Variants in ZNF474 observed in about 807,000 individuals in gnomAD.
ZNF474 encodes the protein 4933409D10Rik.
For synonymous variants in ZNF474, 192 were observed against 162.2 expected (o/e 1.18, Z -1.39); for missense variants, 511 against 433.8 (o/e 1.18, Z -1.58).
At chr5:122,134,359 TTAG>T (rs1216881847) in intron 1 of ZNF474, among the ~76,000 whole-genome samples, 10 of 152,200 alleles carry the variant, frequency 6.6e-5, no homozygotes, top group Admixed American at 2.6e-4. Flanking sequence ...CAGACAGCAC[TTAG>T]TAGGATTCTG....
intron 1 of ZNF474, among the ~76,000 whole-genome samples, chr5:122,138,140 G>A (rs1032254884): frequency 6.6e-6 from 1 of 152,098 alleles, no homozygotes; most frequent in African/African-American, 2.4e-5. Flanking sequence ...AAAATGCAAA[G>A]GCAGAAAATA....
In ZNF474 at chr5:122,145,122, A is replaced by AG. The variant is rs1580605753; in HGVS notation, c.-212-6656dup. Among the ~76,000 whole-genome samples the AG allele has an allele frequency of 2.6e-5, 4 of 152,374 alleles. No homozygotes were observed. In the East Asian group the frequency reaches 7.7e-4, roughly 29 times the overall value. On this transcript the variant is annotated intron_variant, in intron 1 of 1. Coordinates refer to ENST00000296600, the MANE Select transcript of ZNF474 (RefSeq NM_207317.3). ...ATACCTGACAATTAGATTGAATGAAAGTGAAAGAACTTATTTCTTGACCTA... is the reference window on the plus strand; with the variant it reads ...ATACCTGACAATTAGATTGAATGAAAGGTGAAAGAACTTATTTCTTGACCTA...
chr5:122,147,065 G>A (rs1052237058), intron 1 of ZNF474, among the ~76,000 whole-genome samples: 3 of 152,170 alleles, frequency 2.0e-5, no homozygotes, highest in Admixed American at 2.0e-4. Context: ...CATTAGAAGG[G>A]ACATTATCTC....
intron 1 of ZNF474, among the ~76,000 whole-genome samples, chr5:122,148,840 G>A (rs930331748): frequency 1.3e-5 from 2 of 151,678 alleles, no homozygotes; most frequent in African/African-American, 2.4e-5. Context: ...GGATTCAAGC[G>A]ATTCTCCTGT....
intron 1 of ZNF474, among the ~76,000 whole-genome samples, chr5:122,146,043 C>T (rs1448115535): frequency 6.6e-6 from 1 of 152,142 alleles, no homozygotes; most frequent in African/African-American, 2.4e-5. Context: ...ACTGCTGCTG[C>T]TGGAGTAGAG....
intron 1 of ZNF474, among the ~76,000 whole-genome samples, chr5:122,138,256 A>G (rs1755755019): frequency 6.6e-6 from 1 of 152,208 alleles, no homozygotes; most frequent in African/African-American, 2.4e-5. Flanking sequence ...GGAAACAAAA[A>G]CATGCTAAAT....
chr5:122,151,436 C>A (rs192232167), intron 1 of ZNF474, among the ~76,000 whole-genome samples: 1 of 152,118 alleles, frequency 6.6e-6, no homozygotes, highest in Non-Finnish European at 1.5e-5. Flanking sequence ...GCAGTTTTCT[C>A]TTCTATGGTC....
At chr5:122,131,833 A>AT (rs749168426) in intron 1 of ZNF474, among the ~76,000 whole-genome samples, 51 of 152,068 alleles carry the variant, frequency 3.4e-4, no homozygotes, top group Non-Finnish European at 6.9e-4. Context: ...CCCATTTAAC[A>AT]TTTTTTCTTT....
Position 122,152,117 on chromosome 5 carries a change from C to T in ZNF474, c.127C>T (p.Pro43Ser), listed in dbSNP as rs762282901. 12 of 1,614,162 alleles carry T rather than the reference C, an allele frequency of 7.4e-6. No individual in the cohort carries two copies. The highest frequency in any genetic ancestry group is 1.0e-5 in the Non-Finnish European group (12 of 1,180,022). ...LSSDSYSSLS[P>S]ETESVNPGEN... ...TAGTGACTCCTATTCTAGCCTTTCC[C>T]CAGAAACAGAGAGTGTTAATCCTGG... Residue 43 changes from proline (P) to serine (S), a missense_variant, in exon 2 of 2, where the codon CCA becomes TCA. Physicochemically the swap from Pro to Ser is moderately conservative, Grantham distance 74. Transcript: ENST00000296600.
chr5:122,153,120 C>G lies in ZNF474; in HGVS notation c.*35C>G, dbSNP rs1046095030. On this transcript the variant is annotated 3_prime_UTR_variant, in exon 2 of 2. Transcript: ENST00000296600. ...AGAAAACTATCCCCAGAATCAGCCA[C>G]CTCAGCCCCTAGTATTTTTTCTATC... The G allele has an allele frequency of 6.4e-7, 1 of 1,563,944 alleles. No homozygotes were observed.
At chr5:122,149,885 C>CTGTGTGTGTGTGTGTGTGTGTGTG (rs35051222) in intron 1 of ZNF474, among the ~76,000 whole-genome samples, 6 of 141,482 alleles carry the variant, frequency 4.2e-5, no homozygotes, top group African/African-American at 1.6e-4. Context: ...AGAATTGACT[C>CTGTGTGTGTGTGTGTGTGTGTGTG]TGTGTGTGTG....
intron 1 of ZNF474, among the ~76,000 whole-genome samples, chr5:122,135,377 C>A (rs1466903669): frequency 6.6e-6 from 1 of 152,068 alleles, no homozygotes; most frequent in Admixed American, 6.6e-5. Flanking sequence ...AGAAGTCATG[C>A]AAACAGTCTA....
chr5:122,153,099 A>T lies in ZNF474; in HGVS notation c.*14A>T, dbSNP rs1374992233. 1 of 1,589,862 alleles carries T rather than the reference A, an allele frequency of 6.3e-7. No homozygotes were observed. Among genetic ancestry groups the T allele is most frequent in the South Asian group, 1.1e-5 (1 of 87,638 alleles). On this transcript the variant is annotated 3_prime_UTR_variant, in exon 2 of 2. Transcript: ENST00000296600. ...CTCTGCCTGTAGGGGAACAAGAGAA[A>T]ACTATCCCCAGAATCAGCCACCTCA... is the stretch of plus-strand genomic sequence containing the variant.
chr5:122,142,422 T>A (rs1050863930), intron 1 of ZNF474, among the ~76,000 whole-genome samples: 1 of 152,196 alleles, frequency 6.6e-6, no homozygotes, highest in African/African-American at 2.4e-5. Flanking sequence ...TTGAGAGTTA[T>A]TGGTCATGGA....
intron 1 of ZNF474, among the ~76,000 whole-genome samples, chr5:122,150,647 T>C (rs1484659616): frequency 6.6e-6 from 1 of 152,194 alleles, no homozygotes; most frequent in African/African-American, 2.4e-5. Context: ...GTCCTGAGGC[T>C]TCTGAAATAA....
chr5:122,141,642 G>A (rs1376658046), intron 1 of ZNF474, among the ~76,000 whole-genome samples: 1 of 151,570 alleles, frequency 6.6e-6, no homozygotes, highest in Non-Finnish European at 1.5e-5. Flanking sequence ...GTTTCACCAT[G>A]TTGGCCAGGC....
intron 1 of ZNF474, among the ~76,000 whole-genome samples, chr5:122,140,049 A>T (rs1755797287): frequency 6.6e-6 from 1 of 152,174 alleles, no homozygotes; most frequent in East Asian, 1.9e-4. Flanking sequence ...AGCTGGGCTA[A>T]CCACAGACCA....
At chr5:122,137,068 C>G (rs1230083250) in intron 1 of ZNF474, among the ~76,000 whole-genome samples, 1 of 152,066 alleles carries the variant, frequency 6.6e-6, no homozygotes, top group Non-Finnish European at 1.5e-5. Context: ...AGATGATAAA[C>G]AGTGGCATCA....
At chr5:122,151,330 C>G (rs1418153559) in intron 1 of ZNF474, among the ~76,000 whole-genome samples, 2 of 152,158 alleles carry the variant, frequency 1.3e-5, no homozygotes, top group Non-Finnish European at 2.9e-5. Context: ...ATGTCACTAA[C>G]AAGTTAAGGA....
Sources: gnomAD v4.1 joint callset for allele counts (sites outside exome capture counted in the v4.1 genomes callset) on GRCh38, gnomAD v4.1.1 for gene constraint, MANE v1.5 for transcripts, NCBI Gene and HGNC (gene_info 2026-07-23, HGNC 2026-07-21) for gene names.